Variants in SLC1A3 observed in about 807,000 individuals in gnomAD.
The protein encoded by SLC1A3 is excitatory amino acid transporter 1.
A neutral mutation model predicts 48.1 loss-of-function variants in SLC1A3; 21 were observed. The ratio of observed to expected loss-of-function variants is 0.44; its 90% CI spans 0.31 to 0.63. The LOEUF is 0.63. Ranked by LOEUF, SLC1A3 falls within the 20% of genes least tolerant of loss-of-function variation. SLC1A3 has a pLI of 0.08. For missense variants in SLC1A3, 546 were observed against 689.0 expected (o/e 0.79, Z 2.32); for synonymous variants, 239 against 251.4 (o/e 0.95, Z 0.47).
chr5:36,624,236 C>T (rs1739810244), intron 2 of SLC1A3, among the ~76,000 whole-genome samples: 1 of 152,186 alleles, frequency 6.6e-6, no homozygotes, highest in African/African-American at 2.4e-5. Context: ...TTTTCCTCAG[C>T]TTAAGCTCTA....
chr5:36,643,284 A>G (rs970898315), intron 3 of SLC1A3, among the ~76,000 whole-genome samples: 9 of 152,136 alleles, frequency 5.9e-5, no homozygotes, highest in African/African-American at 2.2e-4. Context: ...GCAGTGTATG[A>G]GTGTTCTAAT....
Position 36,608,341 on chromosome 5 carries a change from A to G in SLC1A3, c.-83A>G. 1 of 1,294,846 alleles carries G rather than the reference A, an allele frequency of 7.7e-7. No individual in the cohort carries two copies. The allele number at this position is 1,294,846 out of a possible 1,614,324, so 80.2% of individuals were successfully genotyped here. A position where few individuals can be genotyped will look rare whatever the true frequency, so the allele number is the denominator to read the frequency against. ...TCTCCCATTCTAGTTGTGTTTTCTA[A>G]TACCAAAGAGGAGGTTTGGCTTTCT... On this transcript the variant is annotated 5_prime_UTR_variant, in exon 2 of 10. Coordinates refer to ENST00000265113, the MANE Select transcript of SLC1A3 (RefSeq NM_004172.5).
Position 36,677,036 on chromosome 5 carries a change from G to A in SLC1A3, c.712G>A (p.Val238Met). 6.2e-7 allele frequency: 1 copy of A among 1,614,134 alleles called. No homozygotes were observed. The highest frequency in any genetic ancestry group is 8.5e-7 in the Non-Finnish European group (1 of 1,179,994). The change falls in exon 6 of 10, where the codon GTG becomes ATG. Residue 238 changes from valine to methionine, a missense_variant. Transcript: ENST00000265113. ...TEELVPVPGSVNGVNALGLVV... is the reference protein window; with the variant it reads ...TEELVPVPGSMNGVNALGLVV... ...GGAGCTGGTCCCAGTTCCAGGATCT[G>A]TGAATGGAGTCAATGCCCTGGGTCT...
At chr5:36,608,661 G>C (rs775045117) in intron 2 of SLC1A3, 57 bp downstream of exon 2, 4 of 1,603,936 alleles carry the variant, frequency 2.5e-6, no homozygotes, top group Non-Finnish European at 8.5e-7. Flanking sequence ...GGGGCATCTG[G>C]CTGCCCGGGG....
chr5:36,637,922 G>C (rs1213065387), intron 3 of SLC1A3, among the ~76,000 whole-genome samples: 2 of 151,202 alleles, frequency 1.3e-5, no homozygotes, highest in African/African-American at 4.9e-5. Context: ...ATGGAGCTTG[G>C]GAGTTGACAT....
chr5:36,658,737 T>C (rs141981037), intron 3 of SLC1A3, among the ~76,000 whole-genome samples: 1 of 152,296 alleles, frequency 6.6e-6, no homozygotes, highest in African/African-American at 2.4e-5. Context: ...GGGGGAGAAA[T>C]GCTGCAGCTT....
chr5:36,684,183 T>C (rs777954263), intron 9 of SLC1A3, among the ~76,000 whole-genome samples, 185 bp downstream of exon 9: 1 of 152,232 alleles, frequency 6.6e-6, no homozygotes, highest in Admixed American at 6.5e-5. Context: ...CCAGATGCCA[T>C]GTGCACTCAC....
chr5:36,608,378 C>A lies in SLC1A3; in HGVS notation c.-46C>A, dbSNP rs748182453. 6.3e-7 allele frequency: 1 copy of A among 1,592,352 alleles called. No individual in the cohort carries two copies. Among genetic ancestry groups the A allele is most frequent in the East Asian group, 2.2e-5 (1 of 44,716 alleles). On this transcript the variant is annotated 5_prime_UTR_variant, in exon 2 of 10. Coordinates refer to ENST00000265113, the MANE Select transcript of SLC1A3 (RefSeq NM_004172.5). ...AGGTTTGGCTTTCTGTGGGTGATTC[C>A]CAGACACTGAAGTGCAAAGAAGAGA... is the stretch of plus-strand genomic sequence containing the variant.
intron 3 of SLC1A3, among the ~76,000 whole-genome samples, chr5:36,652,660 A>C (rs1741131601): frequency 6.6e-6 from 1 of 152,156 alleles, no homozygotes; most frequent in Non-Finnish European, 1.5e-5. Flanking sequence ...ATTTAGTAAA[A>C]AGAAAGTAAC....
In SLC1A3 at chr5:36,687,864, G is replaced by A. The variant is rs532392997; in HGVS notation, c.*1595G>A. 6.5e-6 allele frequency: 1 copy of A among 152,778 alleles called. No individual in the cohort carries two copies. The highest frequency in any genetic ancestry group is 2.1e-4 in the South Asian group (1 of 4,832). The allele number at this position is 152,778 out of a possible 1,614,324, so 9.5% of individuals were successfully genotyped here. ...AGGAATATCCAGTCAAAGACGCTGA[G>A]TGGGAGCTGTCAGGCAGTAGCAGCT... On this transcript the variant is annotated 3_prime_UTR_variant, in exon 10 of 10. Coordinates refer to ENST00000265113, the MANE Select transcript of SLC1A3 (RefSeq NM_004172.5).
chr5:36,680,949 A>T (rs62356362), intron 8 of SLC1A3, among the ~76,000 whole-genome samples: 16,272 of 151,880 alleles, frequency 0.11, 896 homozygotes, highest in African/African-American at 0.13. Flanking sequence ...TTTAAAAGAC[A>T]AGAGGATGAC....
chr5:36,641,627 C>T (rs1235068078), intron 3 of SLC1A3, among the ~76,000 whole-genome samples: 1 of 151,980 alleles, frequency 6.6e-6, no homozygotes, highest in South Asian at 2.1e-4. Flanking sequence ...ATTTCTTTTT[C>T]AATTTAGAAT....
In SLC1A3 at chr5:36,683,878, C is replaced by T. The variant is rs1443318401; in HGVS notation, c.1304C>T (p.Ala435Val). 1.2e-6 allele frequency: 2 copies of T among 1,614,116 alleles called. No homozygotes were observed. The highest frequency in any genetic ancestry group is 1.7e-6 in the Non-Finnish European group (2 of 1,180,040). Residue 435 changes from alanine to valine, a missense_variant, in exon 9 of 10, where the codon GCT becomes GTT. Physicochemically the swap from Ala to Val is moderately conservative, Grantham distance 64 (BLOSUM62 0). This residue lies in a region of SLC1A3 where 142 missense variants were observed against 238.0 expected (regional missense o/e 0.60). Transcript: ENST00000265113. The stretch of plus-strand genomic sequence containing the variant: ...TCTGTTAACAGCATCACAGCCACAG[C>T]TGCCAGTATTGGGGCAGCTGGAATT... ...QIITISITAT[A>V]ASIGAAGIPQ...
chr5:36,640,530 G>A (rs76860369), intron 3 of SLC1A3, among the ~76,000 whole-genome samples: 1 of 152,262 alleles, frequency 6.6e-6, no homozygotes, highest in East Asian at 1.9e-4. Flanking sequence ...TCTTCAAAGG[G>A]AAGAAATTTC....
chr5:36,599,814 GATTT>G lies in SLC1A3; in HGVS notation c.-96+3153_-96+3156del, dbSNP rs766789573. 1.1e-3 allele frequency among the ~76,000 whole-genome samples: 164 copies of G among 151,292 alleles called. 1 individual carries two copies. Among genetic ancestry groups the G allele is most frequent in the Admixed American group, 8.0e-3 (122 of 15,180 alleles). On this transcript the variant is annotated intron_variant, in intron 1 of 9. Coordinates refer to the SLC1A3 transcript ENST00000680318. ...TTAAAACAAGCCATGTTTTGAAGAA[GATTT>G]ATTTATTTATTTATTTGAGACGGAG...
chr5:36,601,858 G>A (rs2562574), upstream of SLC1A3, among the ~76,000 whole-genome samples: 4,160 of 152,080 alleles, frequency 0.027, 179 homozygotes, highest in African/African-American at 0.096. Context: ...AATTGGAAAT[G>A]GACTGATGAA....
At chr5:36,597,043 T>C (rs1190981165) in intron 1 of SLC1A3, among the ~76,000 whole-genome samples, 1 of 152,080 alleles carries the variant, frequency 6.6e-6, no homozygotes, top group African/African-American at 2.4e-5. Flanking sequence ...TTTTGTTTTG[T>C]TTTGCTTTGC....
intron 3 of SLC1A3, among the ~76,000 whole-genome samples, chr5:36,651,069 A>G (rs1015868798): frequency 6.6e-6 from 1 of 151,564 alleles, no homozygotes; most frequent in Admixed American, 6.6e-5. Context: ...TCCTGGTAAA[A>G]GAACATTAAC....
At chr5:36,602,583 C>G (rs745835135), upstream of SLC1A3, among the ~76,000 whole-genome samples, 68 of 152,260 alleles carry the variant, frequency 4.5e-4, no homozygotes, top group Non-Finnish European at 7.6e-4. Flanking sequence ...ATGTGTGAAG[C>G]CTTCATTAAA....
Sources: gnomAD v4.1 joint callset for allele counts (sites outside exome capture counted in the v4.1 genomes callset) on GRCh38, gnomAD v4.1.1 for gene constraint, gnomAD v4.1.1 regional missense constraint, MANE v1.5 for transcripts, NCBI Gene and HGNC (gene_info 2026-07-23, HGNC 2026-07-21) for gene names.